The following SPIN1 variants were observed in gnomAD, a reference collection of about 807,000 sequenced individuals.
SPIN1 encodes spindlin 1.
SPIN1 carries 3 observed loss-of-function variants against 26.0 expected under a neutral mutation model. The observed-to-expected ratio is 0.12, with a 90% CI of 0.05 to 0.30. The LOEUF (loss-of-function observed/expected upper bound fraction) is 0.30, where lower values mean the gene tolerates loss of function less well. Among genes scored for constraint, SPIN1 ranks in the 10% least tolerant of loss-of-function variants. The probability of loss-of-function intolerance (pLI) is 1.00; values close to 1 mark genes in which losing one functional copy is unlikely to be tolerated. For synonymous variants in SPIN1, 101 were observed against 116.5 expected (o/e 0.87, Z 0.86); for missense variants, 126 against 333.4 (o/e 0.38, Z 4.84).
chr9:88,446,322 A>G (rs955638704), intron 2 of SPIN1, among the ~76,000 whole-genome samples: 4 of 149,382 alleles, frequency 2.7e-5, no homozygotes, highest in African/African-American at 7.4e-5. Context: ...GACTGTTTCT[A>G]TTTAGTTTAA....
chr9:88,412,650 C>T (rs1398906982), intron 1 of SPIN1, among the ~76,000 whole-genome samples: 1 of 151,982 alleles, frequency 6.6e-6, no homozygotes, highest in Non-Finnish European at 1.5e-5. Flanking sequence ...ATATTACTAC[C>T]CTGTTAAACA....
chr9:88,478,143 T>G lies in SPIN1; in HGVS notation c.*2866T>G, dbSNP rs1330799653. The G allele has an allele frequency of 2.0e-5, 3 of 152,490 alleles. No individual in the cohort carries two copies. The highest frequency in any genetic ancestry group is 6.6e-5 in the Admixed American group (1 of 15,264). The allele number at this position is 152,490 out of a possible 1,614,324, so 9.4% of individuals were successfully genotyped here. On this transcript the variant is annotated 3_prime_UTR_variant, in exon 6 of 6. Coordinates refer to ENST00000375859, the MANE Select transcript of SPIN1 (RefSeq NM_006717.3). ...AATGTCATGCAGCATTTGAAGGGAC[T>G]GTGTTTTCTTAAAAAAAAATCACAG...
intron 5 of SPIN1, among the ~76,000 whole-genome samples, chr9:88,471,200 A>C (rs7031075): frequency 0.33 from 50,360 of 152,052 alleles, 15,750 homozygotes; most frequent in African/African-American, 0.83. Flanking sequence ...TCGTTTTCTT[A>C]TAAGAGTTTT....
At chr9:88,410,881 T>G (rs76154046) in intron 1 of SPIN1, 24,286 of 964,066 alleles carry the variant, frequency 0.025, 406 homozygotes, top group Middle Eastern at 0.044. Flanking sequence ...TCACTTAGCT[T>G]CTTTGGCTGG....
At chr9:88,462,010 G>A (rs766277275) in intron 3 of SPIN1, among the ~76,000 whole-genome samples, 2 of 152,156 alleles carry the variant, frequency 1.3e-5, no homozygotes, top group African/African-American at 2.4e-5. Flanking sequence ...TGTACAGGCA[G>A]AATTATTTGG....
rs1828918662 is a variant in SPIN1, at chr9:88,478,013, T to G, written c.*2736T>G. On this transcript the variant is annotated 3_prime_UTR_variant, in exon 6 of 6. Transcript: ENST00000375859. ...TTGTTTTCTTTATTTTTATTTGTTT[T>G]CAGTTTCCTGTATATTTGCTTACTG... The G allele has an allele frequency of 6.6e-6, 1 of 152,242 alleles. No homozygotes were observed. Among genetic ancestry groups the G allele is most frequent in the Non-Finnish European group, 1.5e-5 (1 of 68,042 alleles). 9.4% of individuals were successfully genotyped at this position (152,242 alleles called of 1,614,324 possible).
intron 2 of SPIN1, among the ~76,000 whole-genome samples, chr9:88,426,964 A>G (rs1827775450): frequency 6.6e-6 from 1 of 152,138 alleles, no homozygotes; most frequent in Non-Finnish European, 1.5e-5. Context: ...TAAACTTGGA[A>G]TTTCTTGTGT....
At chr9:88,408,651 A>G (rs1452716109) in intron 1 of SPIN1, among the ~76,000 whole-genome samples, 2 of 148,856 alleles carry the variant, frequency 1.3e-5, no homozygotes, top group East Asian at 4.0e-4. Flanking sequence ...CTGGGATTAC[A>G]GGTGTGAGCC....
rs1376362078 is a variant in SPIN1, at chr9:88,457,515, G to C, written c.102-4981G>C. Among the ~76,000 whole-genome samples the C allele has an allele frequency of 5.3e-5, 8 of 152,250 alleles. No individual in the cohort carries two copies. In the South Asian group the frequency reaches 6.2e-4, roughly 12 times the overall value. On this transcript the variant is annotated intron_variant, in intron 3 of 5. Coordinates refer to ENST00000375859, the MANE Select transcript of SPIN1 (RefSeq NM_006717.3). ...ACTATACTCCAGCCTGGGTGACTGA[G>C]TGAGACTCTCTCAAAAAATAATAAT...
intron 1 of SPIN1, among the ~76,000 whole-genome samples, chr9:88,391,049 A>G (rs577901907): frequency 6.6e-6 from 1 of 152,100 alleles, no homozygotes; most frequent in Non-Finnish European, 1.5e-5. Context: ...AAGTTGCTTT[A>G]CTTGAACTCT....
At chr9:88,452,574 G>A (rs1828375022) in intron 3 of SPIN1, among the ~76,000 whole-genome samples, 1 of 152,194 alleles carries the variant, frequency 6.6e-6, no homozygotes, top group Non-Finnish European at 1.5e-5. Flanking sequence ...CCCTAAAGCT[G>A]TTTGAATGTT....
chr9:88,468,262 C>T (rs1460614223), intron 4 of SPIN1, 110 bp from the exon 5 acceptor site: 10 of 717,238 alleles, frequency 1.4e-5, no homozygotes, highest in East Asian at 5.9e-5. Context: ...CTTGCTAATA[C>T]GTTGCATGGA....
At chr9:88,466,249 G>A (rs866879560) in intron 4 of SPIN1, among the ~76,000 whole-genome samples, 1 of 151,954 alleles carries the variant, frequency 6.6e-6, no homozygotes, top group African/African-American at 2.4e-5. Context: ...GTCTCAACAC[G>A]TTGAGCTCAA....
intron 1 of SPIN1, among the ~76,000 whole-genome samples, chr9:88,404,521 G>T (rs142509217): frequency 2.0e-5 from 3 of 152,148 alleles, no homozygotes; most frequent in African/African-American, 2.4e-5. Context: ...CAAACACATT[G>T]TACAGATGTA....
intron 1 of SPIN1, among the ~76,000 whole-genome samples, chr9:88,404,642 G>T (rs548701671): frequency 6.6e-6 from 1 of 151,876 alleles, no homozygotes; most frequent in East Asian, 1.9e-4. Context: ...TTGGCCAGGC[G>T]CAGTGGTTCA....
intron 1 of SPIN1, among the ~76,000 whole-genome samples, chr9:88,413,065 GTTTTTT>G (rs148350918): frequency 0.014 from 1,827 of 128,042 alleles, 33 homozygotes; most frequent in African/African-American, 0.053. Context: ...TTAAAATTAA[GTTTTTT>G]TTTTTTTTTT....
chr9:88,458,204 TGAAG>T (rs1234654914), intron 3 of SPIN1, among the ~76,000 whole-genome samples: 4 of 152,096 alleles, frequency 2.6e-5, no homozygotes, highest in South Asian at 2.1e-4. Flanking sequence ...GTGGCACAGA[TGAAG>T]GAAGAGAGGA....
intron 5 of SPIN1, among the ~76,000 whole-genome samples, chr9:88,472,605 A>C (rs7036051): frequency 6.7e-6 from 1 of 149,592 alleles, no homozygotes. Flanking sequence ...CAATTCGTCT[A>C]CCTCAGCCTC....
At chr9:88,452,875 G>A (rs1828390855) in intron 3 of SPIN1, among the ~76,000 whole-genome samples, 1 of 152,130 alleles carries the variant, frequency 6.6e-6, no homozygotes, top group African/African-American at 2.4e-5. Context: ...TAGGAGAATT[G>A]CTTTATTACA....
Sources: gnomAD v4.1 joint callset for allele counts (sites outside exome capture counted in the v4.1 genomes callset) on GRCh38, gnomAD v4.1.1 for gene constraint, MANE v1.5 for transcripts, NCBI Gene and HGNC (gene_info 2026-07-23, HGNC 2026-07-21) for gene names.